The following PPHLN1 variants were observed in gnomAD, a reference collection of about 807,000 sequenced individuals.
The protein encoded by PPHLN1 is periphilin 1, also known as periphilin-1.
PPHLN1 carries 29 observed loss-of-function variants against 51.3 expected under a neutral mutation model. The observed-to-expected ratio is 0.57, with a 90% CI of 0.42 to 0.77. The LOEUF (loss-of-function observed/expected upper bound fraction) is 0.77, where lower values mean the gene tolerates loss of function less well. PPHLN1 is among the 30% of genes least tolerant of loss of function. The pLI is 0.00. For synonymous variants in PPHLN1, 147 were observed against 147.8 expected (o/e 0.99, Z 0.04); for missense variants, 436 against 438.4 (o/e 0.99, Z 0.05).
intron 9 of PPHLN1, among the ~76,000 whole-genome samples, chr12:42,430,795 A>G (rs751496852): frequency 1.3e-5 from 2 of 152,166 alleles, no homozygotes; most frequent in African/African-American, 2.4e-5. Context: ...TGCCTGGCCA[A>G]TACACTGTGT....
rs780670318 is a variant in PPHLN1, at chr12:42,335,891, A to C, written c.-12A>C. ...CTTTTTTTTTTCTTTAGTGGCTTAC[A>C]GAAGAGACGAAATGTGGTCTGAGGG... On this transcript the variant is annotated 5_prime_UTR_variant, in exon 2 of 10. Transcript: ENST00000358314. 4 of 1,551,066 alleles carry C rather than the reference A, an allele frequency of 2.6e-6. No individual in the cohort carries two copies. The East Asian group carries it at 9.5e-5, about 37-fold the overall frequency.
At chr12:42,430,984 T>C (rs1317915770) in intron 9 of PPHLN1, among the ~76,000 whole-genome samples, 1 of 152,244 alleles carries the variant, frequency 6.6e-6, no homozygotes, top group East Asian at 1.9e-4. Flanking sequence ...TCCAGTTATG[T>C]CTGAATGGAC....
intron 9 of PPHLN1, among the ~76,000 whole-genome samples, chr12:42,433,849 G>C (rs1427226602): frequency 2.6e-5 from 4 of 152,082 alleles, no homozygotes; most frequent in African/African-American, 7.2e-5. Context: ...ATCCAAACCT[G>C]TATTGTTCAA....
intron 6 of PPHLN1, among the ~76,000 whole-genome samples, chr12:42,385,745 G>T (rs932813298): frequency 6.6e-6 from 1 of 152,130 alleles, no homozygotes; most frequent in African/African-American, 2.4e-5. Flanking sequence ...AGAAAAGTGA[G>T]GTTCATCTTT....
chr12:42,424,478 G>C (rs1230217939), intron 9 of PPHLN1, among the ~76,000 whole-genome samples: 1 of 152,084 alleles, frequency 6.6e-6, no homozygotes, highest in East Asian at 1.9e-4. Context: ...TTTTTTATAA[G>C]TTAGTGAACT....
At chr12:42,407,866 A>T (rs2079453692) in intron 9 of PPHLN1, among the ~76,000 whole-genome samples, 1 of 152,162 alleles carries the variant, frequency 6.6e-6, no homozygotes, top group South Asian at 2.1e-4. Flanking sequence ...TTCAGTACAG[A>T]TGCACCCATA....
intron 7 of PPHLN1, among the ~76,000 whole-genome samples, chr12:42,388,189 A>G (rs1349368398): frequency 1.3e-5 from 2 of 152,132 alleles, no homozygotes; most frequent in African/African-American, 4.8e-5. Context: ...CTTGCAGTTG[A>G]GATAGTGGAA....
At chr12:42,344,779 GCTCACTGCAACCTCTGC>G (rs1486733196) in intron 2 of PPHLN1, among the ~76,000 whole-genome samples, 1 of 148,722 alleles carries the variant, frequency 6.7e-6, no homozygotes, top group Non-Finnish European at 1.5e-5. Context: ...CATAATCTCG[GCTCACTGCAACCTCTGC>G]CTCCCAGGCT....
intron 2 of PPHLN1, among the ~76,000 whole-genome samples, chr12:42,347,917 G>A (rs1392756636): frequency 6.6e-6 from 1 of 152,150 alleles, no homozygotes; most frequent in Non-Finnish European, 1.5e-5. Context: ...GGCTCCTGCA[G>A]TCATCTTTGT....
At chr12:42,444,902 GA>G (rs995891703), downstream of PPHLN1, 12 of 588,106 alleles carry the variant, frequency 2.0e-5, no homozygotes, top group Admixed American at 2.8e-4. Context: ...CTATCTGGTG[GA>G]AACCACATAA....
rs562367105 is a variant in PPHLN1 at position 42,352,675 on chromosome 12, GGCCCACC to G, written c.237+627_237+633del. 5.9e-4 allele frequency among the ~76,000 whole-genome samples: 89 copies of G among 152,050 alleles called. 1 individual carries two copies. The East Asian group carries it at 0.016, about 28-fold the overall frequency. ...GAGGTCACTTGATGATCAAGTGGGA[GGCCCACC>G]TTGGCCTCCCAAAGTGTTAGGATTA... On this transcript the variant is annotated intron_variant, in intron 3 of 9. Coordinates refer to ENST00000358314, the MANE Select transcript of PPHLN1 (RefSeq NM_201439.2).
intron 9 of PPHLN1, among the ~76,000 whole-genome samples, chr12:42,403,499 A>C (rs1224602994): frequency 6.6e-6 from 1 of 152,224 alleles, no homozygotes; most frequent in African/African-American, 2.4e-5. Flanking sequence ...AGAGAATCTA[A>C]AAGCTATCTC....
intron 2 of PPHLN1, among the ~76,000 whole-genome samples, chr12:42,339,892 T>C (rs2071220928): frequency 6.6e-6 from 1 of 152,200 alleles, no homozygotes; most frequent in Admixed American, 6.5e-5. Context: ...CTAAAGTTAG[T>C]TGAAAAAAGT....
rs762509322 is a variant in PPHLN1 at position 42,399,002 on chromosome 12, T to C, written c.909+8T>C. The C allele has an allele frequency of 6.2e-7, 1 of 1,611,668 alleles. No homozygotes were observed. On this transcript the variant is annotated splice_region_variant and intron_variant, in intron 9 of 9. Coordinates refer to ENST00000358314, the MANE Select transcript of PPHLN1 (RefSeq NM_201439.2). ...ACCAAAGAGATTGAACAGGTGAGAG[T>C]CTAGTTGTCTTCATGTACATAATTT...
intron 9 of PPHLN1, among the ~76,000 whole-genome samples, chr12:42,409,286 G>T (rs1592802704): frequency 1.3e-5 from 2 of 152,184 alleles, no homozygotes; most frequent in East Asian, 3.9e-4. Context: ...TTTATCTAGT[G>T]ATTGTTTCTT....
In PPHLN1 at chr12:42,425,421, C is replaced by T. The variant is rs149778262; in HGVS notation, c.910-15894C>T. On this transcript the variant is annotated intron_variant, in intron 9 of 9. Coordinates refer to ENST00000358314, the MANE Select transcript of PPHLN1 (RefSeq NM_201439.2). ...TATTTTATTGAGATGGAGTCTTGCT[C>T]TGTCGCCCAGGCTGGAGTGCAGTGG... Among the ~76,000 whole-genome samples the T allele has an allele frequency of 6.4e-3, 907 of 142,030 alleles. 34 individuals carry two copies. The East Asian group carries it at 0.093, about 15-fold the overall frequency. The allele number at this position is 142,030 out of a possible 152,430, so 93.2% of individuals were successfully genotyped here.
intron 7 of PPHLN1, among the ~76,000 whole-genome samples, chr12:42,389,396 CAAAA>C (rs201952965): frequency 1.9e-5 from 2 of 104,102 alleles, no homozygotes; most frequent in African/African-American, 3.0e-5. Context: ...AATAAACAAA[CAAAA>C]AAAAAAACAA....
At chr12:42,365,171 G>A (rs970451635) in intron 4 of PPHLN1, among the ~76,000 whole-genome samples, 5 of 152,138 alleles carry the variant, frequency 3.3e-5, no homozygotes, top group Admixed American at 1.3e-4. Flanking sequence ...GTGGTTTTCC[G>A]TTTCCACATT....
chr12:42,438,074 A>G (rs991879923), intron 9 of PPHLN1, among the ~76,000 whole-genome samples: 1 of 152,212 alleles, frequency 6.6e-6, no homozygotes, highest in African/African-American at 2.4e-5. Flanking sequence ...TTTATCCATT[A>G]AAGAACATCT....
Sources: allele counts gnomAD v4.1 joint callset (sites outside exome capture counted in the v4.1 genomes callset), GRCh38; gene constraint gnomAD v4.1.1; transcripts MANE v1.5; gene names NCBI Gene and HGNC (gene_info 2026-07-23, HGNC 2026-07-21).